TUBGCP5: variants seen among roughly 807,000 people sequenced by gnomAD.
TUBGCP5 encodes gamma-tubulin complex component 5.
TUBGCP5 carries 98 observed loss-of-function variants against 134.7 expected under a neutral mutation model. The observed-to-expected ratio is 0.73, with a 90% confidence interval of 0.62 to 0.86. The LOEUF (loss-of-function observed/expected upper bound fraction) is 0.86. Ranked by LOEUF, TUBGCP5 falls within the 40% of genes least tolerant of loss-of-function variation. The pLI is 0.00. For missense variants in TUBGCP5, 1,150 were observed against 1,244.8 expected (o/e 0.92, Z 1.15); for synonymous variants, 456 against 431.4 (o/e 1.06, Z -0.71).
intron 23 of TUBGCP5, among the ~76,000 whole-genome samples, chr15:22,991,259 G>A (rs944847335): frequency 5.9e-5 from 9 of 152,052 alleles, no homozygotes; most frequent in Non-Finnish European, 7.4e-5. Flanking sequence ...CACCACACCC[G>A]GCTAATTTTC....
At position 23,031,021 on chromosome 15, in the gene TUBGCP5, C is replaced by T. The variant is rs752647601; in HGVS notation, c.487-1G>A. 1 of 1,606,506 alleles carries T rather than the reference C, an allele frequency of 6.2e-7. No individual in the cohort carries two copies. On this transcript the variant is annotated splice_acceptor_variant, in intron 5 of 22. Transcript: ENST00000615383. LOFTEE classifies it high-confidence loss of function. Reference sequence around the variant, plus strand: ...CCTCTTCACTTTCTTCAGACCAATTCTGATTTAAAAAAGAGATACACTTTA... The same window carrying T: ...CCTCTTCACTTTCTTCAGACCAATTTTGATTTAAAAAAGAGATACACTTTA...
chr15:23,016,338 C>CA (rs2065313403), intron 13 of TUBGCP5, among the ~76,000 whole-genome samples: 2 of 151,914 alleles, frequency 1.3e-5, no homozygotes, highest in African/African-American at 4.8e-5. Flanking sequence ...ACTAAAAACA[C>CA]AAAAAATCAG....
Position 23,005,896 on chromosome 15 carries a change from C to T in TUBGCP5, c.2533+156G>A, listed in dbSNP as rs191782160. 5.9e-5 allele frequency: 47 copies of T among 794,976 alleles called. No homozygotes were observed. The East Asian group carries it at 7.7e-4, about 13-fold the overall frequency. 49.2% of individuals were successfully genotyped at this position (794,976 alleles called of 1,614,324 possible). ...CATAAAACTACTGCTAGAATACGCA[C>T]CATTTTGGCATTTGTGTACACATAA... On this transcript the variant is annotated intron_variant, in intron 18 of 22. Coordinates refer to ENST00000615383, the MANE Select transcript of TUBGCP5 (RefSeq NM_052903.6).
chr15:23,029,540 A>G lies in TUBGCP5; in HGVS notation c.622+1345T>C, dbSNP rs568842866. Among the ~76,000 whole-genome samples, 20 of 152,060 alleles carry G rather than the reference A, an allele frequency of 1.3e-4. 1 individual carries two copies. The South Asian group carries it at 1.7e-3, about 13-fold the overall frequency. The stretch of plus-strand genomic sequence containing the variant: ...CTGGCCTTTTTTTTCTTTAAAGTTT[A>G]CCACCCTGCTTCCAAAATGTCTATA... On this transcript the variant is annotated intron_variant, in intron 6 of 22. Transcript: ENST00000615383.
rs1278287449 is a variant in TUBGCP5, at chr15:23,039,518, C to T, written c.26G>A (p.Ser9Asn). The T allele has an allele frequency of 3.3e-6, 5 of 1,499,346 alleles. No homozygotes were observed. The highest frequency in any genetic ancestry group is 4.0e-5 in the Admixed American group (2 of 49,856). The allele number at this position is 1,499,346 out of a possible 1,614,324, so 92.9% of individuals were successfully genotyped here. The change falls in exon 1 of 23, where the codon AGT becomes AAT. Residue 9 changes from serine (S) to asparagine (N), a missense_variant. Physicochemically the swap from Ser to Asn is conservative, Grantham distance 46. Coordinates refer to ENST00000615383, the MANE Select transcript of TUBGCP5 (RefSeq NM_052903.6). ...GCGCTCCTGCTGCGCGTCCAACCGACTCCACGGTGGCCCGTGCCGCGCCAT... is the reference window on the plus strand; with the variant it reads ...GCGCTCCTGCTGCGCGTCCAACCGATTCCACGGTGGCCCGTGCCGCGCCAT... MARHGPPW[S>N]RLDAQQERDV...
At position 23,032,365 on chromosome 15, in the gene TUBGCP5, C is replaced by T. The variant is rs531703705; in HGVS notation, c.407-336G>A. 3.4e-4 allele frequency among the ~76,000 whole-genome samples: 52 copies of T among 152,202 alleles called. 3 individuals carry two copies. In the South Asian group the frequency reaches 9.5e-3, roughly 28 times the overall value. ...AAAATGGTGTAGTATGTGCACATAA[C>T]CTAAATACATCCTGCTGTATACTTT... On this transcript the variant is annotated intron_variant, in intron 4 of 22. Transcript: ENST00000615383.
intron 3 of TUBGCP5, among the ~76,000 whole-genome samples, chr15:23,035,763 C>A (rs1046552625): frequency 2.6e-5 from 4 of 152,094 alleles, no homozygotes; most frequent in Non-Finnish European, 4.4e-5. Flanking sequence ...GATAACCAAT[C>A]CCACCTTGTG....
chr15:23,001,409 G>A (rs2064364243), intron 21 of TUBGCP5, among the ~76,000 whole-genome samples: 1 of 150,396 alleles, frequency 6.6e-6, no homozygotes, highest in East Asian at 2.0e-4. Context: ...TAGCGATCTC[G>A]GCTCACCACA....
chr15:23,024,861 C>A, intron 8 of TUBGCP5, 31 bp from the exon 9 acceptor site: 2 of 1,297,836 alleles, frequency 1.5e-6, no homozygotes, highest in Non-Finnish European at 2.2e-6. Flanking sequence ...GACGAGTGTA[C>A]TTTAAGTCTA....
intron 23 of TUBGCP5, among the ~76,000 whole-genome samples, chr15:22,984,267 C>T (rs1340923130): frequency 2.0e-5 from 3 of 152,168 alleles, no homozygotes; most frequent in Non-Finnish European, 2.9e-5. Flanking sequence ...AAATTAAGTA[C>T]ACATTATTTG....
intron 13 of TUBGCP5, among the ~76,000 whole-genome samples, chr15:23,016,279 G>A (rs1044679288): frequency 1.3e-5 from 2 of 152,180 alleles, no homozygotes; most frequent in Non-Finnish European, 2.9e-5. Context: ...GATCACTTGA[G>A]GTCAGGAGTT....
chr15:22,992,634 A>C (rs1356402401), intron 23 of TUBGCP5, among the ~76,000 whole-genome samples: 1 of 152,112 alleles, frequency 6.6e-6, no homozygotes, highest in South Asian at 2.1e-4. Flanking sequence ...GTTTGAGGAG[A>C]GTGTTGATGA....
At chr15:23,019,420 T>A in intron 11 of TUBGCP5, 86 bp from the exon 12 acceptor site, 3 of 814,180 alleles carry the variant, frequency 3.7e-6, no homozygotes, top group Non-Finnish European at 6.1e-6. Flanking sequence ...GAAATGCCTT[T>A]AAAAAAGTGA....
chr15:22,984,097 G>T (rs967763943), intron 23 of TUBGCP5, among the ~76,000 whole-genome samples: 2 of 151,650 alleles, frequency 1.3e-5, no homozygotes, highest in African/African-American at 2.4e-5. Context: ...TCCAGGCTGG[G>T]CGACAGAGCA....
chr15:22,989,540 T>A (rs2063786549), intron 23 of TUBGCP5, among the ~76,000 whole-genome samples: 3 of 152,150 alleles, frequency 2.0e-5, no homozygotes, highest in Admixed American at 2.0e-4. Flanking sequence ...CTTTTTAAAT[T>A]TATGATTTAT....
chr15:22,994,332 C>T (rs982931975), downstream of TUBGCP5, among the ~76,000 whole-genome samples: 4 of 152,032 alleles, frequency 2.6e-5, no homozygotes, highest in Admixed American at 2.6e-4. Flanking sequence ...TCCAATAATC[C>T]GCCTGCCTTG....
In TUBGCP5 at chr15:23,039,464, G is replaced by A; in HGVS notation, c.80C>T (p.Ala27Val). The A allele has an allele frequency of 6.5e-7, 1 of 1,545,836 alleles. No individual in the cohort carries two copies. ...RDVRELVRGVAGLQDEADPNF... is the reference protein window; with the variant it reads ...RDVRELVRGVVGLQDEADPNF... The stretch of plus-strand genomic sequence containing the variant: ...GGGGTCTGCCTCGTCCTGGAGGCCG[G>A]CGACACCCCGGACGAGCTCCCGCAC... The change falls in exon 1 of 23, where the codon GCC (alanine) becomes GTC (valine). Residue 27 changes from alanine (A) to valine (V), a missense_variant. Around this residue, in one of 2 missense-constraint regions of TUBGCP5, gnomAD observed 453 missense variants for 394.7 expected, o/e 1.15. Transcript: ENST00000615383.
rs779288824 is a variant in TUBGCP5, at chr15:23,036,911, T to C, written c.295A>G (p.Ile99Val). 4 of 1,606,582 alleles carry C rather than the reference T, an allele frequency of 2.5e-6. No individual in the cohort carries two copies. The highest frequency in any genetic ancestry group is 3.3e-5 in the Admixed American group (2 of 59,908). ...EEFLNAPLPS[I>V]KEIKTDAHYS... ...TGAAGGCATACCTTTATTTCCTTTA[T>C]ACTGGGAAGTGGTGCATTTAGAAAT... is the stretch of plus-strand genomic sequence containing the variant. Residue 99 changes from isoleucine (I) to valine (V), a missense_variant, in exon 3 of 23, where the codon ATA (isoleucine) becomes GTA (valine). This residue lies in a region of TUBGCP5 where 453 missense variants were observed against 394.7 expected (regional missense o/e 1.15). Transcript: ENST00000615383.
At position 23,039,465 on chromosome 15, in the gene TUBGCP5, C is replaced by A; in HGVS notation, c.79G>T (p.Ala27Ser). 1 of 1,545,060 alleles carries A rather than the reference C, an allele frequency of 6.5e-7. No homozygotes were observed. The highest frequency in any genetic ancestry group is 8.7e-7 in the Non-Finnish European group (1 of 1,143,574). ...GGGTCTGCCTCGTCCTGGAGGCCGG[C>A]GACACCCCGGACGAGCTCCCGCACG... is the stretch of plus-strand genomic sequence containing the variant. ...RDVRELVRGVAGLQDEADPNF... is the reference protein window; with the variant it reads ...RDVRELVRGVSGLQDEADPNF... Residue 27 changes from alanine to serine, a missense_variant, in exon 1 of 23, where the codon GCC (alanine) becomes TCC (serine). Physicochemically the swap from Ala to Ser is moderately conservative, Grantham distance 99. Around this residue, in one of 2 missense-constraint regions of TUBGCP5, gnomAD observed 453 missense variants for 394.7 expected, o/e 1.15. Coordinates refer to ENST00000615383, the MANE Select transcript of TUBGCP5 (RefSeq NM_052903.6).
Sources: gnomAD v4.1 joint callset for allele counts (sites outside exome capture counted in the v4.1 genomes callset) on GRCh38, gnomAD v4.1.1 for gene constraint, gnomAD v4.1.1 regional missense constraint, MANE v1.5 for transcripts, NCBI Gene and HGNC (gene_info 2026-07-23, HGNC 2026-07-21) for gene names.